Variants in IGFL2 observed in about 807,000 individuals in gnomAD.
IGFL2 encodes insulin growth factor-like family member 2.
In IGFL2, 7 loss-of-function variants were observed where a neutral mutation model predicts 13.9. That is an observed-to-expected ratio of 0.51 (90% confidence interval 0.29 to 0.95). The LOEUF (loss-of-function observed/expected upper bound fraction) is 0.95, where lower values mean the gene tolerates loss of function less well. IGFL2 is among the 40% of genes least tolerant of loss of function. IGFL2 has a pLI of 0.08. For synonymous variants in IGFL2, 55 were observed against 55.8 expected, an observed-to-expected ratio of 0.99 and a Z score of 0.07; for missense variants, 138 against 147.8, an observed-to-expected ratio of 0.93 and a Z score of 0.34.
chr19:46,120,084 G>A, the IGFL2 span: 3 of 545,214 alleles, frequency 5.5e-6, no homozygotes, highest in South Asian at 2.2e-5. Flanking sequence ...TGGTAAATGT[G>A]GGGGATTTTA....
At chr19:46,122,119 A>T in the IGFL2 span, among the ~76,000 whole-genome samples, 1 of 150,866 alleles carries the variant, frequency 6.6e-6, no homozygotes, top group Non-Finnish European at 1.5e-5. Flanking sequence ...TACACCTTTA[A>T]TTCCAAGACA....
At chr19:46,207,869 T>C in the IGFL2 span, 3 of 152,374 alleles carry the variant, frequency 2.0e-5, no homozygotes, top group South Asian at 4.1e-4. Flanking sequence ...GATTGGACTC[T>C]CTTTGCTCTG....
the IGFL2 span, chr19:46,124,745 T>C: frequency 9.5e-7 from 1 of 1,056,850 alleles, no homozygotes; most frequent in Admixed American, 1.7e-5. Flanking sequence ...ACCTGGTAAG[T>C]TTACTGATTG....
upstream of IGFL2, among the ~76,000 whole-genome samples, chr19:46,142,691 C>G (rs149222524): frequency 6.6e-6 from 1 of 152,330 alleles, no homozygotes; most frequent in Non-Finnish European, 1.5e-5. Flanking sequence ...GGGTGAAACC[C>G]TCTGGAAAAT....
the IGFL2 span, among the ~76,000 whole-genome samples, chr19:46,115,892 C>T: frequency 6.6e-6 from 1 of 152,144 alleles, no homozygotes; most frequent in African/African-American, 2.4e-5. Flanking sequence ...CTGATGTCCC[C>T]AGTTCTGCCC....
At chr19:46,135,942 T>G in the IGFL2 span, among the ~76,000 whole-genome samples, 10 of 152,236 alleles carry the variant, frequency 6.6e-5, no homozygotes, top group African/African-American at 9.6e-5. Context: ...CTTGTAGGGT[T>G]TCTGTTGAAA....
At chr19:46,156,184 A>G (rs944239986) in intron 1 of IGFL2, among the ~76,000 whole-genome samples, 2 of 152,162 alleles carry the variant, frequency 1.3e-5, no homozygotes, top group African/African-American at 4.8e-5. Flanking sequence ...ATATTTATTG[A>G]GTTTGCATTG....
At chr19:46,089,945 A>G in the IGFL2 span, among the ~76,000 whole-genome samples, 1 of 151,612 alleles carries the variant, frequency 6.6e-6, no homozygotes, top group Non-Finnish European at 1.5e-5. Flanking sequence ...TAAGCTTTCT[A>G]CCTCTTGGTC....
the IGFL2 span, chr19:46,209,359 A>G: frequency 2.0e-5 from 3 of 152,160 alleles, no homozygotes; most frequent in Admixed American, 6.5e-5. Context: ...GCTGTGCCCT[A>G]TGGGGTCAGA....
At chr19:46,093,652 G>T in the IGFL2 span, among the ~76,000 whole-genome samples, 1 of 152,080 alleles carries the variant, frequency 6.6e-6, no homozygotes, top group East Asian at 1.9e-4. Context: ...AGTCTATAAA[G>T]AATTCATAGG....
rs1974110275 is a variant in IGFL2, at chr19:46,160,645, G to C, written c.105G>C (p.Gln35His). ...CTGGCTCAGAACCATGGCTGTGCCA[G>C]CCGGCACCCAGGTGTGGAGACAAGA... ...APAGSEPWLC[Q>H]PAPRCGDKIY... is the part of the protein sequence containing the mutation. Residue 35 changes from glutamine (Q) to histidine (H), a missense_variant, in exon 3 of 4, where the codon CAG becomes CAC. Transcript: ENST00000377693. The C allele has an allele frequency of 6.2e-7, 1 of 1,614,046 alleles. No individual in the cohort carries two copies. Among genetic ancestry groups the C allele is most frequent in the Non-Finnish European group, 8.5e-7 (1 of 1,179,988 alleles).
chr19:46,084,084 A>G, the IGFL2 span, among the ~76,000 whole-genome samples: 1 of 152,104 alleles, frequency 6.6e-6, no homozygotes, highest in Non-Finnish European at 1.5e-5. Context: ...TTTAATTCCC[A>G]TGTCTTTGTA....
At chr19:46,152,545 A>C (rs895426384) in intron 1 of IGFL2, among the ~76,000 whole-genome samples, 2 of 152,172 alleles carry the variant, frequency 1.3e-5, no homozygotes, top group Admixed American at 1.3e-4. Flanking sequence ...TGGTCTCCCA[A>C]AATGCTGGGA....
At chr19:46,108,309 A>C in the IGFL2 span, among the ~76,000 whole-genome samples, 1 of 152,174 alleles carries the variant, frequency 6.6e-6, no homozygotes, top group African/African-American at 2.4e-5. Flanking sequence ...GAATGCCTGG[A>C]CATCAGGCAT....
At chr19:46,197,713 G>T in the IGFL2 span, among the ~76,000 whole-genome samples, 1 of 151,674 alleles carries the variant, frequency 6.6e-6, no homozygotes, top group Non-Finnish European at 1.5e-5. Flanking sequence ...TGTATTTTTT[G>T]GACAGACGGG....
chr19:46,165,876 T>G (rs572352969), downstream of IGFL2, among the ~76,000 whole-genome samples: 1 of 152,360 alleles, frequency 6.6e-6, no homozygotes, highest in East Asian at 1.9e-4. Flanking sequence ...TTTAAGGGAC[T>G]TACCATGTGG....
chr19:46,177,516 TA>T, the IGFL2 span, among the ~76,000 whole-genome samples: 2 of 151,812 alleles, frequency 1.3e-5, no homozygotes, highest in South Asian at 4.2e-4. Flanking sequence ...CACATAAGAA[TA>T]AAAAAAGATG....
intron 1 of IGFL2, among the ~76,000 whole-genome samples, chr19:46,151,212 G>A (rs1568425894): frequency 6.6e-6 from 1 of 152,076 alleles, no homozygotes; most frequent in Non-Finnish European, 1.5e-5. Context: ...TCTGCTAAGA[G>A]TTTTATATGT....
At chr19:46,086,820 G>A in the IGFL2 span, among the ~76,000 whole-genome samples, 1 of 152,128 alleles carries the variant, frequency 6.6e-6, no homozygotes, top group Non-Finnish European at 1.5e-5. Flanking sequence ...GATGTTGGTT[G>A]GGTAGGGAAT....
Sources: allele counts gnomAD v4.1 joint callset (sites outside exome capture counted in the v4.1 genomes callset), GRCh38; gene constraint gnomAD v4.1.1; transcripts MANE v1.5; gene names NCBI Gene and HGNC (gene_info 2026-07-23, HGNC 2026-07-21).